Variants in EED observed in about 807,000 individuals in gnomAD.
EED encodes embryonic ectoderm development.
EED carries 9 observed loss-of-function variants against 61.0 expected under a neutral mutation model. The observed-to-expected ratio is 0.15, with a 90% CI of 0.09 to 0.26. The LOEUF (loss-of-function observed/expected upper bound fraction) is 0.26, where lower values mean the gene tolerates loss of function less well. Among genes scored for constraint, EED ranks in the 10% least tolerant of loss-of-function variants. EED has a pLI of 1.00. For synonymous variants in EED, 187 were observed against 174.4 expected (o/e 1.07, Z -0.57); for missense variants, 315 against 542.3 (o/e 0.58, Z 4.16).
chr11:86,286,695 AG>A, the EED span, among the ~76,000 whole-genome samples: 1 of 152,094 alleles, frequency 6.6e-6, no homozygotes, highest in African/African-American at 2.4e-5. Flanking sequence ...TATACAGGCC[AG>A]GTGCGGTGGC....
chr11:86,250,563 A>G lies in EED; in HGVS notation c.267+115A>G, dbSNP rs140520107. ...CAAGTTGTAAATATTTTAAAGTTAC[A>G]ATGTTTTCTGAAGGGTTTTTTTTTT... On this transcript the variant is annotated intron_variant, in intron 2 of 11. Coordinates refer to ENST00000263360, the MANE Select transcript of EED (RefSeq NM_003797.5). 7.2e-4 allele frequency: 893 copies of G among 1,236,654 alleles called. 10 individuals carry two copies. In the African/African-American group the frequency reaches 0.013, roughly 18 times the overall value. 76.6% of individuals were successfully genotyped at this position (1,236,654 alleles called of 1,614,324 possible).
At chr11:86,250,221 C>T in intron 1 of EED, 75 bp from the exon 2 acceptor site, 2 of 1,299,604 alleles carry the variant, frequency 1.5e-6, no homozygotes, top group African/African-American at 1.5e-5. Flanking sequence ...CAGTCAGCAT[C>T]TTCCCAGTAG....
In EED at chr11:86,245,239, A is replaced by G. The variant is rs761126162; in HGVS notation, c.10A>G (p.Arg4Gly). Residue 4 changes from arginine to glycine, a missense_variant, in exon 1 of 12, where the codon AGG (arginine) becomes GGG (glycine). By Grantham distance (125) the Arg-to-Gly change is moderately radical. Around this residue, in one of 2 missense-constraint regions of EED, gnomAD observed 110 missense variants for 86.9 expected, o/e 1.27. Coordinates refer to ENST00000263360, the MANE Select transcript of EED (RefSeq NM_003797.5). MSE[R>G]EVSTAPAGTD... ...AGGGAGGCGGAGGAATATGTCCGAG[A>G]GGGAAGTGTCGACTGCGCCGGCGGG... is the stretch of plus-strand genomic sequence containing the variant. The G allele has an allele frequency of 6.2e-7, 1 of 1,612,946 alleles. No homozygotes were observed.
intron 2 of EED, 71 bp downstream of exon 2, chr11:86,250,519 C>CT: frequency 7.1e-7 from 1 of 1,400,132 alleles, no homozygotes; most frequent in Non-Finnish European, 9.4e-7. Context: ...GCACGCATTT[C>CT]GTACTCAGGA....
rs1319255654 is a variant in EED, at chr11:86,252,168, G to A, written c.288G>A (p.Leu96=). The A allele has an allele frequency of 2.5e-6, 4 of 1,611,694 alleles. No individual in the cohort carries two copies. The highest frequency in any genetic ancestry group is 1.7e-5 in the Admixed American group (1 of 59,914). Residue 96 remains leucine (L), a synonymous_variant, in exon 3 of 12, where the codon TTG becomes TTA. Transcript: ENST00000263360. ...TATAGGAAGATCATAACCAACCATTGTTTGGAGTTCAGTTTAACTGGCACA... is the reference window on the plus strand; with the variant it reads ...TATAGGAAGATCATAACCAACCATTATTTGGAGTTCAGTTTAACTGGCACA... ...NSLKEDHNQP[L]FGVQFNWHSK... is the part of the protein sequence containing the mutation.
intron 1 of EED, among the ~76,000 whole-genome samples, chr11:86,247,972 G>A (rs968293520): frequency 6.6e-6 from 1 of 152,228 alleles, no homozygotes; most frequent in Non-Finnish European, 1.5e-5. Flanking sequence ...TTCTGCGAGA[G>A]TACTAATGGA....
At chr11:86,279,283 G>C (rs1259780190), downstream of EED, among the ~76,000 whole-genome samples, 1 of 152,158 alleles carries the variant, frequency 6.6e-6, no homozygotes, top group African/African-American at 2.4e-5. Context: ...ATATCATTAG[G>C]GCAAAGGAGG....
chr11:86,257,308 TA>T (rs1163598462), intron 5 of EED, among the ~76,000 whole-genome samples: 3 of 151,434 alleles, frequency 2.0e-5, no homozygotes, highest in Non-Finnish European at 4.4e-5. Context: ...GTGCTTGGAT[TA>T]AAAACATGAG....
At chr11:86,251,441 A>G (rs1422006411) in intron 2 of EED, among the ~76,000 whole-genome samples, 1 of 152,218 alleles carries the variant, frequency 6.6e-6, no homozygotes, top group Non-Finnish European at 1.5e-5. Context: ...AAATGATGAG[A>G]AAACGAAAGA....
At chr11:86,280,452 G>A (rs1402986437), downstream of EED, among the ~76,000 whole-genome samples, 2 of 152,054 alleles carry the variant, frequency 1.3e-5, no homozygotes, top group Non-Finnish European at 2.9e-5. Flanking sequence ...TTTTCCTAAT[G>A]GATGTTATCC....
intron 9 of EED, among the ~76,000 whole-genome samples, chr11:86,268,829 G>A (rs1946046678): frequency 1.3e-5 from 2 of 152,144 alleles, no homozygotes; most frequent in South Asian, 4.1e-4. Context: ...AGTATTCTCT[G>A]ATAGTCAGTA....
At chr11:86,287,235 G>A in the EED span, among the ~76,000 whole-genome samples, 2 of 152,078 alleles carry the variant, frequency 1.3e-5, no homozygotes, top group African/African-American at 4.8e-5. Flanking sequence ...TAGTGGAAGT[G>A]GGGCCCACAT....
chr11:86,281,044 A>C (rs943929339), downstream of EED, among the ~76,000 whole-genome samples: 1 of 152,126 alleles, frequency 6.6e-6, no homozygotes, highest in Admixed American at 6.5e-5. Flanking sequence ...TGATTCTTTT[A>C]ATGTATTGCT....
intron 1 of EED, among the ~76,000 whole-genome samples, chr11:86,247,045 T>G (rs544997983): frequency 6.2e-4 from 95 of 152,378 alleles, no homozygotes; most frequent in African/African-American, 2.2e-3. Flanking sequence ...CTCTTCCACA[T>G]ACTTAATAAT....
chr11:86,269,833 T>A (rs1370007111), intron 9 of EED, among the ~76,000 whole-genome samples: 2 of 152,208 alleles, frequency 1.3e-5, no homozygotes, highest in Non-Finnish European at 2.9e-5. Context: ...GTATCAGTAG[T>A]TCTCCTTTTT....
chr11:86,287,249 G>T, the EED span, among the ~76,000 whole-genome samples: 1 of 152,148 alleles, frequency 6.6e-6, no homozygotes, highest in African/African-American at 2.4e-5. Context: ...CCCACATTGT[G>T]AGAAATACAA....
chr11:86,286,074 AG>A, the EED span, among the ~76,000 whole-genome samples: 38 of 151,910 alleles, frequency 2.5e-4, no homozygotes, highest in South Asian at 4.6e-3. Context: ...TCTGTCGCCC[AG>A]GCTGGAATGC....
Position 86,245,249 on chromosome 11 carries a change from C to A in EED, c.20C>A (p.Ser7Ter). Residue 7 changes from serine to a stop codon, truncating the protein, a stop_gained, in exon 1 of 12, where the codon TCG becomes TAG. Coordinates refer to ENST00000263360, the MANE Select transcript of EED (RefSeq NM_003797.5). LOFTEE classifies it high-confidence loss of function. ...AGGAATATGTCCGAGAGGGAAGTGT[C>A]GACTGCGCCGGCGGGAACAGACATG... The part of the protein sequence containing the change: MSEREV[S>*]TAPAGTDMPA... The A allele has an allele frequency of 3.1e-6, 5 of 1,613,324 alleles. No individual in the cohort carries two copies. The highest frequency in any genetic ancestry group is 4.2e-6 in the Non-Finnish European group (5 of 1,179,886).
chr11:86,245,009 CCGCGCGGGAGGGCGCGCGCG>C lies in EED; in HGVS notation c.-215_-196del, dbSNP rs1351820855. 1 of 454,394 alleles carries C rather than the reference CCGCGCGGGAGGGCGCGCGCG, an allele frequency of 2.2e-6. No homozygotes were observed. Among genetic ancestry groups the C allele is most frequent in the Non-Finnish European group, 3.9e-6 (1 of 255,424 alleles). The allele number at this position is 454,394 out of a possible 1,614,324, so 28.1% of individuals were successfully genotyped here. On this transcript the variant is annotated 5_prime_UTR_variant, in exon 1 of 12. Coordinates refer to ENST00000263360, the MANE Select transcript of EED (RefSeq NM_003797.5). ...TTGGGGAAGGGAAGGAGCCAGGAAG[CCGCGCGGGAGGGCGCGCGCG>C]CGCGCCCCTTTTTCAGCAGTGTGGC...
Sources: gnomAD v4.1 joint callset for allele counts (sites outside exome capture counted in the v4.1 genomes callset) on GRCh38, gnomAD v4.1.1 for gene constraint, gnomAD v4.1.1 regional missense constraint, MANE v1.5 for transcripts, NCBI Gene and HGNC (gene_info 2026-07-23, HGNC 2026-07-21) for gene names.